Variants in ITGAL observed in about 807,000 individuals in gnomAD.
ITGAL encodes integrin subunit alpha L.
In ITGAL, 68 loss-of-function variants were observed where a neutral mutation model predicts 138.4. The ratio of observed to expected loss-of-function variants is 0.49; its 90% CI spans 0.40 to 0.60. ITGAL has a LOEUF of 0.60. ITGAL is among the 20% of genes least tolerant of loss of function. The pLI is 0.00. For missense variants in ITGAL, 1,256 were observed against 1,478.6 expected, an observed-to-expected ratio of 0.85 and a Z score of 2.47; for synonymous variants, 561 against 584.3, an observed-to-expected ratio of 0.96 and a Z score of 0.57.
chr16:30,478,321 G>A (rs576236021), intron 4 of ITGAL, among the ~76,000 whole-genome samples: 2 of 146,716 alleles, frequency 1.4e-5, no homozygotes, highest in African/African-American at 5.0e-5. Context: ...GTGACAAAGC[G>A]AGACTCCGTC....
At chr16:30,503,454 T>C (rs367624448) in intron 17 of ITGAL, among the ~76,000 whole-genome samples, 2 of 139,910 alleles carry the variant, frequency 1.4e-5, no homozygotes, top group Non-Finnish European at 1.6e-5. Context: ...TTTTTTTTTT[T>C]CTTTTCTAGA....
At chr16:30,482,309 G>A (rs12448354) in intron 7 of ITGAL, among the ~76,000 whole-genome samples, 43,944 of 152,016 alleles carry the variant, frequency 0.29, 8,041 homozygotes, top group East Asian at 0.56. Flanking sequence ...AAAAAGAAGA[G>A]CCAGGACACC....
chr16:30,479,648 CTTTTTTTTTTT>C (rs59770529), intron 6 of ITGAL, among the ~76,000 whole-genome samples, 187 bp downstream of exon 6: 24 of 72,860 alleles, frequency 3.3e-4, no homozygotes, highest in African/African-American at 7.2e-4. Flanking sequence ...TTCTCATTTC[CTTTTTTTTTTT>C]TTTTTTTTTT....
At chr16:30,498,805 G>A (rs1379991604) in intron 15 of ITGAL, 3 of 334,232 alleles carry the variant, frequency 9.0e-6, no homozygotes, top group Admixed American at 4.4e-5. Context: ...GGAGGCTGAG[G>A]TGGGAGGATT....
At chr16:30,515,486 T>C (rs939287172) in intron 25 of ITGAL, among the ~76,000 whole-genome samples, 1 of 152,176 alleles carries the variant, frequency 6.6e-6, no homozygotes, top group East Asian at 1.9e-4. Flanking sequence ...CACTGCCTCC[T>C]TGATGCTGCT....
At chr16:30,476,690 T>G (rs2151141974) in intron 4 of ITGAL, among the ~76,000 whole-genome samples, 1 of 151,502 alleles carries the variant, frequency 6.6e-6, no homozygotes, top group African/African-American at 2.4e-5. Flanking sequence ...TGGAGTGCAG[T>G]GGCATGATCT....
intron 17 of ITGAL, among the ~76,000 whole-genome samples, chr16:30,501,623 C>T (rs1382991494): frequency 2.0e-5 from 3 of 151,132 alleles, no homozygotes; most frequent in Non-Finnish European, 4.4e-5. Flanking sequence ...ACAGAATATT[C>T]AATCATCATG....
At chr16:30,486,408 C>CAAA (rs67561933) in intron 9 of ITGAL, among the ~76,000 whole-genome samples, 187 of 118,772 alleles carry the variant, frequency 1.6e-3, no homozygotes, top group East Asian at 9.8e-3. Context: ...AAAACTGTCT[C>CAAA]AAAAAAAAAA....
In ITGAL at chr16:30,496,125, A is replaced by C; in HGVS notation, c.1532A>C (p.Gln511Pro). ...QLGFEEVSEL[Q>P]GDPGYPLGRF... ...GGGTTTGAAGAAGTCTCAGAGCTGC[A>C]GGGGGACCCCGGCTACCCACTCGGG... is the stretch of plus-strand genomic sequence containing the variant. The change falls in exon 14 of 31, where the codon CAG becomes CCG. Residue 511 changes from glutamine to proline, a missense_variant. Gln to Pro is a moderately conservative substitution (Grantham distance 76, BLOSUM62 -1). Around this residue, in one of 3 missense-constraint regions of ITGAL, gnomAD observed 867 missense variants for 972.5 expected, o/e 0.89. Transcript: ENST00000356798. 1 of 1,614,006 alleles carries C rather than the reference A, an allele frequency of 6.2e-7. No homozygotes were observed. The highest frequency in any genetic ancestry group is 1.1e-5 in the South Asian group (1 of 91,080).
In ITGAL at chr16:30,511,059, G is replaced by A. The variant is rs537238700; in HGVS notation, c.2709G>A (p.Glu903=). 21 of 1,613,724 alleles carry A rather than the reference G, an allele frequency of 1.3e-5. No individual in the cohort carries two copies. The highest frequency in any genetic ancestry group is 1.8e-5 in the Non-Finnish European group (21 of 1,179,862). ...CCTTGCCCCAATGCAGTAACAATGA[G>A]GACTCAGACCTCCTGGAGGACAACT... ...ELHANVTCNN[E]DSDLLEDNSA... Residue 903 remains glutamate, a synonymous_variant, in exon 24 of 31, where the codon GAG becomes GAA. Coordinates refer to ENST00000356798, the MANE Select transcript of ITGAL (RefSeq NM_002209.3).
At chr16:30,506,685 C>T (rs931470620) in intron 20 of ITGAL, 30 bp from the exon 21 acceptor site, 1 of 1,599,678 alleles carries the variant, frequency 6.3e-7, no homozygotes, top group Non-Finnish European at 8.5e-7. Flanking sequence ...GATCCTCCCT[C>T]CTCCATCTTT....
Position 30,496,234 on chromosome 16 carries a change from G to T in ITGAL, c.1641G>T (p.Glu547Asp). 6.2e-7 allele frequency: 1 copy of T among 1,612,256 alleles called. No homozygotes were observed. The highest frequency in any genetic ancestry group is 2.2e-5 in the East Asian group (1 of 44,868). ...VDVAVGAPLE[E>D]QGAVYIFNGR... ...TGGCTGTGGGGGCCCCTCTGGAGGA[G>T]CAGGGGGCTGTGTACATCTTCAATG... The change falls in exon 14 of 31, where the codon GAG (glutamate) becomes GAT (aspartate). Residue 547 changes from glutamate to aspartate, a missense_variant. Coordinates refer to ENST00000356798, the MANE Select transcript of ITGAL (RefSeq NM_002209.3).
At position 30,517,078 on chromosome 16, in the gene ITGAL, G is replaced by A. The variant is rs181096180; in HGVS notation, c.2968G>A (p.Val990Met). ...GGGGCCCATCACACACCAGTGGAGC[G>A]TGCAGATGGTGAGTGCTGCCTGTAG... is the stretch of plus-strand genomic sequence containing the variant. ...SEGPITHQWS[V>M]QMEPPVPCHY... The change falls in exon 26 of 31, where the codon GTG (valine) becomes ATG (methionine). Residue 990 changes from valine (V) to methionine (M), a missense_variant. By Grantham distance (21) the Val-to-Met change is conservative. Transcript: ENST00000356798. The A allele has an allele frequency of 8.1e-6, 13 of 1,601,542 alleles. No individual in the cohort carries two copies. The highest frequency in any genetic ancestry group is 6.8e-5 in the Admixed American group (4 of 59,164).
Position 30,484,197 on chromosome 16 carries a change from C to G in ITGAL, c.940C>G (p.Leu314Val). Residue 314 changes from leucine to valine, a missense_variant, in exon 9 of 31, where the codon CTG (leucine) becomes GTG (valine). Leu to Val is a conservative substitution (Grantham distance 32). Coordinates refer to ENST00000356798, the MANE Select transcript of ITGAL (RefSeq NM_002209.3). ...ACCCGCGAGCGAGTTTGTGAAAATT[C>G]TGGACACATTTGAGAAGCTGAAAGA... ...SKPASEFVKILDTFEKLKDLF... is the reference protein window; with the variant it reads ...SKPASEFVKIVDTFEKLKDLF... 1.2e-6 allele frequency: 2 copies of G among 1,614,132 alleles called. No homozygotes were observed. The highest frequency in any genetic ancestry group is 8.5e-7 in the Non-Finnish European group (1 of 1,180,016).
chr16:30,483,324 G>T (rs2050586377), intron 7 of ITGAL: 1 of 153,084 alleles, frequency 6.5e-6, no homozygotes, highest in South Asian at 2.1e-4. Flanking sequence ...ACAGAGAAAT[G>T]AGTCACGGTA....
intron 24 of ITGAL, 142 bp downstream of exon 24, chr16:30,511,278 C>T: frequency 1.5e-6 from 1 of 669,086 alleles, no homozygotes. Flanking sequence ...CTGATTCCAG[C>T]CACAACCCCA....
chr16:30,489,560 A>G (rs953804586), intron 11 of ITGAL, among the ~76,000 whole-genome samples, 174 bp downstream of exon 11: 12 of 152,186 alleles, frequency 7.9e-5, no homozygotes, highest in Admixed American at 4.6e-4. Context: ...ATGCTTTGAC[A>G]TCTTGGGGCC....
In ITGAL at chr16:30,479,151, T is replaced by C; in HGVS notation, c.388T>C (p.Tyr130His). 6.2e-7 allele frequency: 1 copy of C among 1,614,142 alleles called. No homozygotes were observed. Residue 130 changes from tyrosine (Y) to histidine (H), a missense_variant, in exon 5 of 31, where the codon TAC becomes CAC. Coordinates refer to ENST00000356798, the MANE Select transcript of ITGAL (RefSeq NM_002209.3). ...DQNTYLSGLC[Y>H]LFRQNLQGPM... is the part of the protein sequence containing the mutation. ...GAACACCTATCTGAGTGGCCTGTGTTACCTCTTCCGCCAGAATCTGCAGGG... is the reference window on the plus strand; with the variant it reads ...GAACACCTATCTGAGTGGCCTGTGTCACCTCTTCCGCCAGAATCTGCAGGG...
At position 30,494,565 on chromosome 16, in the gene ITGAL, T is replaced by G; in HGVS notation, c.1366-148T>G. ...GAAACTGAACCTCAAAGAGCCCACC[T>G]TGTCTTAACGCACATAGACTAGGGG... On this transcript the variant is annotated intron_variant, in intron 12 of 30. Transcript: ENST00000356798. This position sits in a 1 kb window ranked among gnomAD's most constrained non-coding sequence, Gnocchi z 4.2. 8.7e-7 allele frequency: 1 copy of G among 1,144,594 alleles called. No homozygotes were observed. Among genetic ancestry groups the G allele is most frequent in the Non-Finnish European group, 1.2e-6 (1 of 828,096 alleles). 70.9% of individuals were successfully genotyped at this position (1,144,594 alleles called of 1,614,324 possible). A position where few individuals can be genotyped will look rare whatever the true frequency, so the allele number is the denominator to read the frequency against.
Sources: gnomAD v4.1 joint callset for allele counts (sites outside exome capture counted in the v4.1 genomes callset) on GRCh38, gnomAD v4.1.1 for gene constraint, gnomAD v4.1.1 regional missense constraint, Gnocchi (gnomAD v3.1) non-coding constraint, MANE v1.5 for transcripts, NCBI Gene and HGNC (gene_info 2026-07-23, HGNC 2026-07-21) for gene names.